The following CFAP300 variants were observed in gnomAD, a reference collection of about 807,000 sequenced individuals.
The protein encoded by CFAP300 is cilia and flagella associated protein 300, also known as cilia- and flagella-associated protein 300.
Under a neutral mutation model 33.0 loss-of-function variants are expected in CFAP300, and 32 were observed. The ratio of observed to expected loss-of-function variants is 0.97; its 90% CI spans 0.73 to 1.30. The LOEUF is 1.30. Ranked by LOEUF, CFAP300 falls within the 50% of genes most tolerant of loss-of-function variation. CFAP300 has a pLI of 0.00. For missense variants in CFAP300, 356 were observed against 318.1 expected (o/e 1.12, Z -0.90); for synonymous variants, 102 against 106.8 (o/e 0.95, Z 0.28).
At chr11:102,068,870 T>C (rs756160629) in intron 4 of CFAP300, among the ~76,000 whole-genome samples, 1 of 152,150 alleles carries the variant, frequency 6.6e-6, no homozygotes, top group African/African-American at 2.4e-5. Context: ...TTACCAAGGA[T>C]TGGAAATTAC....
chr11:102,064,283 A>G (rs1476502787), intron 3 of CFAP300, among the ~76,000 whole-genome samples: 1 of 152,232 alleles, frequency 6.6e-6, no homozygotes. Flanking sequence ...GCCCGATGTC[A>G]GTCCCTCCTC....
At chr11:102,065,771 GA>G (rs1052407076) in intron 3 of CFAP300, among the ~76,000 whole-genome samples, 25 of 143,394 alleles carry the variant, frequency 1.7e-4, no homozygotes, top group East Asian at 1.2e-3. Context: ...CCATCTCAAA[GA>G]AAAAAAAAAG....
chr11:102,078,348 T>TA (rs1013095465), intron 5 of CFAP300, among the ~76,000 whole-genome samples: 11 of 152,326 alleles, frequency 7.2e-5, no homozygotes, highest in African/African-American at 2.6e-4. Context: ...ATTACACTTT[T>TA]AAAAAATATT....
intron 2 of CFAP300, among the ~76,000 whole-genome samples, chr11:102,056,209 GT>G (rs1048991875): frequency 2.0e-5 from 3 of 151,952 alleles, no homozygotes; most frequent in Non-Finnish European, 2.9e-5. Flanking sequence ...TTATTCAACT[GT>G]TTTTTTACTG....
At chr11:102,080,411 T>C (rs567864551) in intron 5 of CFAP300, among the ~76,000 whole-genome samples, 10 of 152,038 alleles carry the variant, frequency 6.6e-5, no homozygotes, top group African/African-American at 2.4e-4. Context: ...TTTTTGGGAT[T>C]TGTTTGTTTG....
At chr11:102,051,891 A>G (rs1174535181) in intron 2 of CFAP300, among the ~76,000 whole-genome samples, 1 of 152,130 alleles carries the variant, frequency 6.6e-6, no homozygotes, top group Non-Finnish European at 1.5e-5. Context: ...ACATTTTCAC[A>G]TGCATTTTGA....
At position 102,058,866 on chromosome 11, in the gene CFAP300, A is replaced by T. The variant is rs370558031; in HGVS notation, c.193-14A>T. 68 of 1,493,214 alleles carry T rather than the reference A, an allele frequency of 4.6e-5. No individual in the cohort carries two copies. Among genetic ancestry groups the T allele is most frequent in the Non-Finnish European group, 5.7e-5 (62 of 1,093,322 alleles). The allele number at this position is 1,493,214 out of a possible 1,614,324, so 92.5% of individuals were successfully genotyped here. On this transcript the variant is annotated splice_polypyrimidine_tract_variant and intron_variant, in intron 2 of 6. Transcript: ENST00000434758. ...TAAAATATCTAACTTATTCCCCTCAAATTTGTATTTTAGGCTTTTTTCAAA... is the reference window on the plus strand; with the variant it reads ...TAAAATATCTAACTTATTCCCCTCATATTTGTATTTTAGGCTTTTTTCAAA...
chr11:102,058,453 G>C (rs1459531481), intron 2 of CFAP300, among the ~76,000 whole-genome samples: 2 of 150,658 alleles, frequency 1.3e-5, no homozygotes, highest in Admixed American at 6.7e-5. Flanking sequence ...TTGCCATACA[G>C]AAAACGTTTC....
Position 102,068,556 on chromosome 11 carries a change from G to A in CFAP300, c.435+1905G>A, listed in dbSNP as rs185154932. 7.9e-3 allele frequency among the ~76,000 whole-genome samples: 1,197 copies of A among 152,284 alleles called. 11 individuals carry two copies. The highest frequency in any genetic ancestry group is 0.011 in the Non-Finnish European group (780 of 68,020). ...AATCCCAGCACTTTGGGAAGCCAAGGTGGGCAGATCACCTGAGGTCAGGAG... is the reference window on the plus strand; with the variant it reads ...AATCCCAGCACTTTGGGAAGCCAAGATGGGCAGATCACCTGAGGTCAGGAG... On this transcript the variant is annotated intron_variant, in intron 4 of 6. Transcript: ENST00000434758.
Position 102,081,417 on chromosome 11 carries a change from TA to T in CFAP300, c.675+140del, listed in dbSNP as rs375724525. 3,933 of 746,952 alleles carry T rather than the reference TA, an allele frequency of 5.3e-3. 24 individuals are homozygous for T. Among genetic ancestry groups the T allele is most frequent in the Middle Eastern group, 8.2e-3 (29 of 3,530 alleles). The allele number at this position is 746,952 out of a possible 1,614,324, so 46.3% of individuals were successfully genotyped here. On this transcript the variant is annotated intron_variant, in intron 6 of 6. Coordinates refer to ENST00000434758, the MANE Select transcript of CFAP300 (RefSeq NM_032930.3). The stretch of plus-strand genomic sequence containing the variant: ...ATGTTATTTAGAGTTTTGTTAAAAT[TA>T]AAAGTTGATAGAGTATGCTTTTGTT...
chr11:102,075,857 AATTTTATC>A lies in CFAP300; in HGVS notation c.436-15_436-8del. Reference sequence around the variant, plus strand: ...TCTTGAGTTATGTTACATTAAGATGAATTTTATCGTCTTAGGTTTTGCTAGTGGAAGAC... The same window carrying A: ...TCTTGAGTTATGTTACATTAAGATGAGTCTTAGGTTTTGCTAGTGGAAGAC... On this transcript the variant is annotated splice_region_variant and splice_polypyrimidine_tract_variant and intron_variant, in intron 4 of 6. Coordinates refer to ENST00000434758, the MANE Select transcript of CFAP300 (RefSeq NM_032930.3). 6.4e-7 allele frequency: 1 copy of A among 1,564,100 alleles called. No homozygotes were observed. Among genetic ancestry groups the A allele is most frequent in the Non-Finnish European group, 8.7e-7 (1 of 1,149,288 alleles).
chr11:102,078,394 TG>T (rs1591066475), intron 5 of CFAP300, among the ~76,000 whole-genome samples: 2 of 152,340 alleles, frequency 1.3e-5, no homozygotes, highest in East Asian at 3.9e-4. Context: ...TTAAAAACCA[TG>T]GTTATCAGAG....
chr11:102,082,879 C>G (rs767473428), intron 6 of CFAP300, among the ~76,000 whole-genome samples, 192 bp from the exon 7 acceptor site: 8 of 152,100 alleles, frequency 5.3e-5, no homozygotes, highest in Non-Finnish European at 1.0e-4. Context: ...TGCCTGTAAT[C>G]CCAGCTACTC....
intron 2 of CFAP300, among the ~76,000 whole-genome samples, chr11:102,054,733 A>AAAAT (rs1942024451): frequency 6.6e-6 from 1 of 151,076 alleles, no homozygotes; most frequent in Admixed American, 6.6e-5. Context: ...GGTCTCAAAA[A>AAAAT]AAAAAAAAAA....
intron 3 of CFAP300, among the ~76,000 whole-genome samples, chr11:102,059,281 A>G (rs1442882752): frequency 1.3e-5 from 2 of 148,674 alleles, no homozygotes; most frequent in Admixed American, 6.7e-5. Flanking sequence ...ATATGTTAAA[A>G]TGTGTGTGTG....
intron 4 of CFAP300, among the ~76,000 whole-genome samples, chr11:102,074,452 G>T (rs1372480993): frequency 1.3e-5 from 2 of 152,128 alleles, no homozygotes; most frequent in Non-Finnish European, 2.9e-5. Flanking sequence ...TTCTGTGCTT[G>T]TGTGTTTCCT....
At chr11:102,071,448 T>C (rs573625617) in intron 4 of CFAP300, among the ~76,000 whole-genome samples, 2 of 152,352 alleles carry the variant, frequency 1.3e-5, no homozygotes, top group South Asian at 2.1e-4. Flanking sequence ...AAGGTTATTA[T>C]TGATATGTGA....
In CFAP300 at chr11:102,056,407, A is replaced by T. The variant is rs115141112; in HGVS notation, c.193-2473A>T. Among the ~76,000 whole-genome samples, 329 of 152,346 alleles carry T rather than the reference A, an allele frequency of 2.2e-3. 1 individual carries two copies. Among genetic ancestry groups the T allele is most frequent in the African/African-American group, 7.6e-3 (318 of 41,570 alleles). ...ATTACTTTCCCAGAGGGTTATAAAG[A>T]TTCACACTTCTGCCAGCAGCTTGTG... On this transcript the variant is annotated intron_variant, in intron 2 of 6. Coordinates refer to ENST00000434758, the MANE Select transcript of CFAP300 (RefSeq NM_032930.3).
chr11:102,073,543 A>C (rs543152938), intron 4 of CFAP300, among the ~76,000 whole-genome samples: 12 of 152,242 alleles, frequency 7.9e-5, no homozygotes, highest in African/African-American at 2.6e-4. Context: ...GGTGATCCTC[A>C]AGCCCCCTAG....
Sources: gnomAD v4.1 joint callset for allele counts (sites outside exome capture counted in the v4.1 genomes callset) on GRCh38, gnomAD v4.1.1 for gene constraint, MANE v1.5 for transcripts, NCBI Gene and HGNC (gene_info 2026-07-23, HGNC 2026-07-21) for gene names.